Variants in CSMD1 observed in about 807,000 individuals in gnomAD.
CSMD1 encodes CUB and sushi domain-containing protein 1.
CSMD1 carries 213 observed loss-of-function variants against 417.5 expected under a neutral mutation model. The ratio of observed to expected loss-of-function variants is 0.51; its 90% CI spans 0.46 to 0.57. CSMD1 has a LOEUF of 0.57. Ranked by LOEUF, CSMD1 falls within the 20% of genes least tolerant of loss-of-function variation. The pLI is 0.00. For missense variants in CSMD1, 6,923 were observed against 4,529.7 expected, an observed-to-expected ratio of 1.53 and a Z score of -15.17; for synonymous variants, 2,862 against 1,736.8, an observed-to-expected ratio of 1.65 and a Z score of -16.11.
chr8:3,673,921 G>C (rs962290721), intron 7 of CSMD1, among the ~76,000 whole-genome samples: 1 of 152,046 alleles, frequency 6.6e-6, no homozygotes, highest in Non-Finnish European at 1.5e-5. Context: ...AGTTTCAGAC[G>C]AGCCTGGGCA....
At chr8:4,332,747 C>T (rs1161216974) in intron 3 of CSMD1, among the ~76,000 whole-genome samples, 1 of 151,864 alleles carries the variant, frequency 6.6e-6, no homozygotes, top group Non-Finnish European at 1.5e-5. Context: ...CATTCTTAGA[C>T]ACATATGTAA....
At chr8:3,023,374 T>G (rs1351217035) in intron 51 of CSMD1, among the ~76,000 whole-genome samples, 2 of 152,244 alleles carry the variant, frequency 1.3e-5, no homozygotes, top group Non-Finnish European at 2.9e-5. Context: ...TAAATGTTTT[T>G]CTTTTTAAAT....
At chr8:3,336,361 C>A (rs1415470104) in intron 23 of CSMD1, among the ~76,000 whole-genome samples, 1 of 152,180 alleles carries the variant, frequency 6.6e-6, no homozygotes, top group African/African-American at 2.4e-5. Context: ...CATGTGTCAC[C>A]TTCTATAGCC....
At chr8:4,500,487 T>C (rs1425706184) in intron 2 of CSMD1, among the ~76,000 whole-genome samples, 1 of 151,974 alleles carries the variant, frequency 6.6e-6, no homozygotes, top group African/African-American at 2.4e-5. Flanking sequence ...GAATACGGAG[T>C]ATGACTCCTT....
At chr8:4,831,163 A>G (rs1800128545) in intron 1 of CSMD1, among the ~76,000 whole-genome samples, 1 of 152,194 alleles carries the variant, frequency 6.6e-6, no homozygotes, top group South Asian at 2.1e-4. Flanking sequence ...TTCAATGGAC[A>G]AAGAATCTAG....
intron 43 of CSMD1, 34 bp downstream of exon 43, chr8:3,110,124 A>G (rs1816408863): frequency 1.3e-6 from 2 of 1,552,436 alleles, no homozygotes; most frequent in Admixed American, 1.9e-5. Context: ...GTTGATCACA[A>G]TTACAGATAT....
chr8:4,729,386 A>T lies in CSMD1; in HGVS notation c.86-91828T>A, dbSNP rs142652432. Among the ~76,000 whole-genome samples, 284 of 152,344 alleles carry T rather than the reference A, an allele frequency of 1.9e-3. 5 individuals carry two copies. Among genetic ancestry groups the T allele is most frequent in the African/African-American group, 5.5e-3 (229 of 41,588 alleles). On this transcript the variant is annotated intron_variant, in intron 1 of 69. Transcript: ENST00000635120. Reference sequence around the variant, plus strand: ...GTAGGTTCAAGAGAGAATTGGAAGAAATGAAAAAAGGGGAAAAATAAAGTA... The same window carrying T: ...GTAGGTTCAAGAGAGAATTGGAAGATATGAAAAAAGGGGAAAAATAAAGTA...
intron 12 of CSMD1, among the ~76,000 whole-genome samples, chr8:3,461,665 C>G (rs904502021): frequency 1.3e-5 from 2 of 152,204 alleles, no homozygotes; most frequent in African/African-American, 4.8e-5. Flanking sequence ...TGCCCAAGGC[C>G]TCACCAGTAA....
chr8:3,867,240 C>G (rs1306179977), intron 5 of CSMD1, among the ~76,000 whole-genome samples: 2 of 152,090 alleles, frequency 1.3e-5, no homozygotes. Flanking sequence ...TAGTAACTAG[C>G]TAGCTAGTGT....
intron 49 of CSMD1, among the ~76,000 whole-genome samples, chr8:3,078,088 G>C (rs531742010): frequency 2.0e-5 from 3 of 152,108 alleles, no homozygotes; most frequent in African/African-American, 7.2e-5. Flanking sequence ...CTCCATTATA[G>C]CATTTTTAAA....
Position 2,973,196 on chromosome 8 carries a change from C to T in CSMD1, c.8844G>A (p.Met2948Ile), listed in dbSNP as rs1017566289. Residue 2948 changes from methionine to isoleucine, a missense_variant, in exon 57 of 70, where the codon ATG (methionine) becomes ATA (isoleucine). Transcript: ENST00000635120. ...TKSLLRFSCEMGHQLRGSPER... is the reference protein window; with the variant it reads ...TKSLLRFSCEIGHQLRGSPER... ...CAGGGGAGCCCCTCAGCTGGTGCCCCATTTCACAGGAGAAGCGGAGAAGAC... is the reference window on the plus strand; with the variant it reads ...CAGGGGAGCCCCTCAGCTGGTGCCCTATTTCACAGGAGAAGCGGAGAAGAC... The T allele has an allele frequency of 2.5e-6, 4 of 1,613,762 alleles. No homozygotes were observed. The highest frequency in any genetic ancestry group is 3.4e-6 in the Non-Finnish European group (4 of 1,179,824).
At chr8:4,119,535 C>G (rs9314516) in intron 3 of CSMD1, among the ~76,000 whole-genome samples, 150,648 of 152,286 alleles carry the variant, frequency 0.99, 74,538 homozygotes, top group Non-Finnish European at 1. Flanking sequence ...TGGGAAATAA[C>G]CAAGTTTAGA....
chr8:3,279,890 G>C (rs1296031087), intron 26 of CSMD1, among the ~76,000 whole-genome samples: 1 of 152,142 alleles, frequency 6.6e-6, no homozygotes. Flanking sequence ...CCTCCACCTG[G>C]TCCCACCCTT....
chr8:3,334,093 C>T lies in CSMD1; in HGVS notation c.3631+9201G>A, dbSNP rs138533491. Reference sequence around the variant, plus strand: ...AGGCATTGAAAGAATCTATATGAGACGCACACAGAGTGTCTACTGATGTGT... The same window carrying T: ...AGGCATTGAAAGAATCTATATGAGATGCACACAGAGTGTCTACTGATGTGT... On this transcript the variant is annotated intron_variant, in intron 23 of 69. Coordinates refer to ENST00000635120, the MANE Select transcript of CSMD1 (RefSeq NM_033225.6). Among the ~76,000 whole-genome samples the T allele has an allele frequency of 3.3e-3, 507 of 152,262 alleles. 1 individual carries two copies. Among genetic ancestry groups the T allele is most frequent in the Middle Eastern group, 0.01 (3 of 294 alleles).
At chr8:4,748,211 T>C (rs550151723) in intron 1 of CSMD1, among the ~76,000 whole-genome samples, 46 of 152,284 alleles carry the variant, frequency 3.0e-4, no homozygotes, top group Admixed American at 9.8e-4. Flanking sequence ...AATTCCTTTC[T>C]CTTAAATGGA....
Position 3,963,093 on chromosome 8 carries a change from G to A in CSMD1, c.818+34810C>T, listed in dbSNP as rs150632822. On this transcript the variant is annotated intron_variant, in intron 5 of 69. Transcript: ENST00000635120. ...TTACAGGTATGCACAACCACGTCTG[G>A]CTAATTTTTGTGTTTTTTAGTAGAG... Among the ~76,000 whole-genome samples the A allele has an allele frequency of 2.6e-4, 39 of 152,162 alleles. No individual in the cohort carries two copies. The East Asian group carries it at 7.5e-3, about 29-fold the overall frequency.
At chr8:2,945,036 T>C (rs1012550801) in intron 68 of CSMD1, among the ~76,000 whole-genome samples, 3 of 151,618 alleles carry the variant, frequency 2.0e-5, no homozygotes, top group Admixed American at 2.0e-4. Context: ...CTGCAGCTCC[T>C]AGTTAATTTC....
At chr8:3,548,636 C>A (rs1798776583) in intron 10 of CSMD1, among the ~76,000 whole-genome samples, 1 of 148,308 alleles carries the variant, frequency 6.7e-6, no homozygotes, top group African/African-American at 2.5e-5. Context: ...CAACCCTTTT[C>A]ACGGCTGAGT....
intron 5 of CSMD1, among the ~76,000 whole-genome samples, chr8:3,878,030 T>A (rs193300389): frequency 6.6e-6 from 1 of 152,142 alleles, no homozygotes; most frequent in Non-Finnish European, 1.5e-5. Context: ...AATGATTTAT[T>A]AGTACCTCCA....
Sources: gnomAD v4.1 joint callset for allele counts (sites outside exome capture counted in the v4.1 genomes callset) on GRCh38, gnomAD v4.1.1 for gene constraint, MANE v1.5 for transcripts, NCBI Gene and HGNC (gene_info 2026-07-23, HGNC 2026-07-21) for gene names.